The following ZNF385D variants were observed in gnomAD, a reference collection of about 807,000 sequenced individuals.
The protein encoded by ZNF385D is zinc finger protein 385D, also known as zinc finger protein 659.
In ZNF385D, 15 loss-of-function variants were observed where a neutral mutation model predicts 35.8. The observed-to-expected ratio is 0.42, with a 90% CI of 0.28 to 0.64. The LOEUF (loss-of-function observed/expected upper bound fraction) is 0.64. ZNF385D is among the 30% of genes least tolerant of loss of function. The pLI is 0.23. For synonymous variants in ZNF385D, 212 were observed against 186.8 expected, an observed-to-expected ratio of 1.13 and a Z score of -1.10; for missense variants, 474 against 494.6, an observed-to-expected ratio of 0.96 and a Z score of 0.39.
At chr3:21,973,835 A>G (rs924789765) in intron 3 of ZNF385D, among the ~76,000 whole-genome samples, 1 of 152,028 alleles carries the variant, frequency 6.6e-6, no homozygotes, top group African/African-American at 2.4e-5. Context: ...GATAGCTACA[A>G]TTAAAATTAA....
chr3:22,166,702 C>A (rs998579010), intron 3 of ZNF385D, among the ~76,000 whole-genome samples: 4 of 152,312 alleles, frequency 2.6e-5, no homozygotes, highest in African/African-American at 9.6e-5. Context: ...TACCTACTAT[C>A]GTGGTTTGAA....
chr3:22,030,286 T>TC (rs1243486519), intron 3 of ZNF385D, among the ~76,000 whole-genome samples: 2 of 100,278 alleles, frequency 2.0e-5, no homozygotes, highest in African/African-American at 8.1e-5. Context: ...TATATATATA[T>TC]ATATATATAT....
chr3:21,871,751 A>G (rs1044301499), intron 3 of ZNF385D, among the ~76,000 whole-genome samples: 2 of 152,102 alleles, frequency 1.3e-5, no homozygotes, highest in African/African-American at 4.8e-5. Flanking sequence ...CACACCTTTA[A>G]TCCCAGCACT....
At chr3:22,084,899 T>C (rs557135131) in intron 3 of ZNF385D, among the ~76,000 whole-genome samples, 3 of 152,116 alleles carry the variant, frequency 2.0e-5, no homozygotes, top group Non-Finnish European at 2.9e-5. Flanking sequence ...TGCAATCAAA[T>C]TAGAACTCAG....
intron 2 of ZNF385D, among the ~76,000 whole-genome samples, chr3:22,283,906 G>A (rs1042425900): frequency 1.2e-4 from 19 of 152,118 alleles, no homozygotes; most frequent in Admixed American, 1.1e-3. Flanking sequence ...TGACCCTCAA[G>A]TTCTTTTAGT....
chr3:21,858,883 A>T (rs570488898), intron 3 of ZNF385D, among the ~76,000 whole-genome samples: 2 of 152,182 alleles, frequency 1.3e-5, no homozygotes, highest in Admixed American at 1.3e-4. Context: ...CACTCACCTC[A>T]CAGTGCCAGT....
intron 2 of ZNF385D, among the ~76,000 whole-genome samples, chr3:21,648,860 C>CAATACTA (rs1553630714): frequency 6.6e-6 from 1 of 152,152 alleles, no homozygotes; most frequent in Non-Finnish European, 1.5e-5. Context: ...CCACATATAA[C>CAATACTA]CTGAGATGCA....
chr3:21,472,392 G>A (rs1703953146), intron 4 of ZNF385D, among the ~76,000 whole-genome samples: 1 of 152,004 alleles, frequency 6.6e-6, no homozygotes, highest in Non-Finnish European at 1.5e-5. Flanking sequence ...AAGTTAGTAG[G>A]GTATCCCTAA....
intron 3 of ZNF385D, among the ~76,000 whole-genome samples, chr3:21,550,627 C>T (rs190885022): frequency 7.2e-5 from 11 of 152,182 alleles, no homozygotes; most frequent in Admixed American, 6.6e-4. Flanking sequence ...GGATTGCAGG[C>T]GCGTGCCACC....
intron 3 of ZNF385D, among the ~76,000 whole-genome samples, chr3:21,961,252 A>T (rs899968024): frequency 3.9e-5 from 6 of 152,138 alleles, no homozygotes; most frequent in African/African-American, 1.4e-4. Context: ...CTGGAATATA[A>T]AAAAGGTCTT....
intron 2 of ZNF385D, among the ~76,000 whole-genome samples, chr3:22,351,200 GGTTTT>G (rs1559535617): frequency 6.6e-6 from 1 of 151,986 alleles, no homozygotes; most frequent in Non-Finnish European, 1.5e-5. Flanking sequence ...AGCCAGAATT[GGTTTT>G]GTTTTCCATA....
rs527607465 is a variant in ZNF385D, at chr3:21,663,498, C to T, written c.165+1388G>A. ...TGGGTGTCTGGGACACAAGGCTGTGCCAGGAAACCACTTAACAGAAGAGCA... is the reference window on the plus strand; with the variant it reads ...TGGGTGTCTGGGACACAAGGCTGTGTCAGGAAACCACTTAACAGAAGAGCA... On this transcript the variant is annotated intron_variant, in intron 2 of 7. Transcript: ENST00000281523. Among the ~76,000 whole-genome samples the T allele has an allele frequency of 2.0e-5, 3 of 151,970 alleles. No homozygotes were observed. The East Asian group carries it at 5.9e-4, about 30-fold the overall frequency.
At chr3:21,442,508 A>G (rs932676180) in intron 4 of ZNF385D, among the ~76,000 whole-genome samples, 8 of 152,184 alleles carry the variant, frequency 5.3e-5, no homozygotes, top group Non-Finnish European at 8.8e-5. Flanking sequence ...AACAAAAACA[A>G]AAACAAACCA....
chr3:21,952,804 G>T (rs1702122775), intron 3 of ZNF385D, among the ~76,000 whole-genome samples: 1 of 151,758 alleles, frequency 6.6e-6, no homozygotes, highest in Non-Finnish European at 1.5e-5. Context: ...TTTCAAAAAA[G>T]TTCCAAAACT....
intron 3 of ZNF385D, among the ~76,000 whole-genome samples, chr3:21,761,527 G>A (rs1035254743): frequency 1.3e-5 from 2 of 152,166 alleles, no homozygotes; most frequent in African/African-American, 4.8e-5. Flanking sequence ...CCTTACCCAT[G>A]AAGTGATAAT....
rs189279371 is a variant in ZNF385D, at chr3:21,793,311, A to C, written c.326-128283T>G. ...TACTCCACAGGCTGTGATAAGAATCAAATGAGGTATTGTTAAGGAAATATT... is the reference window on the plus strand; with the variant it reads ...TACTCCACAGGCTGTGATAAGAATCCAATGAGGTATTGTTAAGGAAATATT... On this transcript the variant is annotated intron_variant, in intron 3 of 5. Transcript: ENST00000494108. Among the ~76,000 whole-genome samples the C allele has an allele frequency of 1.2e-4, 18 of 152,352 alleles. No homozygotes were observed. In the East Asian group the frequency reaches 3.5e-3, roughly 29 times the overall value.
chr3:22,186,452 G>C (rs1695636754), intron 2 of ZNF385D, among the ~76,000 whole-genome samples: 1 of 152,154 alleles, frequency 6.6e-6, no homozygotes. Flanking sequence ...AAGTCTTGTA[G>C]TTAAAACTTG....
chr3:21,950,381 T>C (rs1310882800), intron 3 of ZNF385D, among the ~76,000 whole-genome samples: 1 of 151,856 alleles, frequency 6.6e-6, no homozygotes, highest in Non-Finnish European at 1.5e-5. Context: ...TCATATCCGT[T>C]GCCCACTTTT....
intron 2 of ZNF385D, among the ~76,000 whole-genome samples, chr3:22,281,283 G>A (rs1701723915): frequency 2.0e-5 from 3 of 152,046 alleles, no homozygotes; most frequent in Admixed American, 1.3e-4. Flanking sequence ...TTGAATAGAA[G>A]TGATGAAAGT....
Sources: gnomAD v4.1 joint callset for allele counts (sites outside exome capture counted in the v4.1 genomes callset) on GRCh38, gnomAD v4.1.1 for gene constraint, MANE v1.5 for transcripts, NCBI Gene and HGNC (gene_info 2026-07-23, HGNC 2026-07-21) for gene names.